Variants in PTPRR observed in about 807,000 individuals in gnomAD.
PTPRR encodes the protein receptor-type tyrosine-protein phosphatase R.
PTPRR carries 38 observed loss-of-function variants against 77.2 expected under a neutral mutation model. The ratio of observed to expected loss-of-function variants is 0.49; its 90% CI spans 0.38 to 0.65. PTPRR has a LOEUF of 0.65. PTPRR is among the 30% of genes least tolerant of loss of function. The pLI, the probability that PTPRR is intolerant of heterozygous loss-of-function variation, is 0.00. For synonymous variants in PTPRR, 299 were observed against 283.1 expected (o/e 1.06, Z -0.57); for missense variants, 744 against 799.2 (o/e 0.93, Z 0.83).
chr12:70,674,048 C>T (rs1018692615), intron 10 of PTPRR, among the ~76,000 whole-genome samples: 3 of 152,100 alleles, frequency 2.0e-5, no homozygotes, highest in Non-Finnish European at 4.4e-5. Context: ...ATCCTTTTGC[C>T]TCAGCCTTCT....
chr12:70,766,800 A>G (rs978719826), intron 2 of PTPRR, among the ~76,000 whole-genome samples: 3 of 152,214 alleles, frequency 2.0e-5, no homozygotes, highest in African/African-American at 7.2e-5. Context: ...AGCCCATCAG[A>G]CTAACAGCGG....
chr12:70,757,872 G>GA (rs1426346646), intron 4 of PTPRR, among the ~76,000 whole-genome samples: 1 of 152,108 alleles, frequency 6.6e-6, no homozygotes, highest in African/African-American at 2.4e-5. Context: ...ATTAACCACA[G>GA]AAAAAATGAA....
chr12:70,822,208 C>T (rs1592777146), intron 2 of PTPRR, among the ~76,000 whole-genome samples: 1 of 152,162 alleles, frequency 6.6e-6, no homozygotes, highest in Admixed American at 6.5e-5. Flanking sequence ...GAACAGAGAA[C>T]ACAGAAAGTG....
chr12:70,862,088 A>G (rs571067300), intron 2 of PTPRR, among the ~76,000 whole-genome samples: 9 of 152,250 alleles, frequency 5.9e-5, no homozygotes, highest in Admixed American at 1.3e-4. Flanking sequence ...TAGTAGAGAA[A>G]GTAAGGTAGT....
At chr12:70,895,028 G>A (rs868323994) in intron 1 of PTPRR, among the ~76,000 whole-genome samples, 26 of 151,648 alleles carry the variant, frequency 1.7e-4, no homozygotes, top group South Asian at 6.2e-4. Flanking sequence ...CTATTATATC[G>A]TGGAATAAAG....
At chr12:70,810,854 A>G (rs930291168) in intron 2 of PTPRR, among the ~76,000 whole-genome samples, 13 of 152,206 alleles carry the variant, frequency 8.5e-5, no homozygotes, top group Admixed American at 6.5e-4. Flanking sequence ...TTAAGACCTC[A>G]TATGTAAGAA....
chr12:70,819,784 T>A (rs570478938), intron 2 of PTPRR, among the ~76,000 whole-genome samples: 56 of 152,344 alleles, frequency 3.7e-4, no homozygotes, highest in South Asian at 1.2e-3. Flanking sequence ...TGCATTGCTT[T>A]TGGTCAAACT....
chr12:70,837,288 T>C (rs1025764364), intron 2 of PTPRR, among the ~76,000 whole-genome samples: 4 of 152,156 alleles, frequency 2.6e-5, no homozygotes, highest in Non-Finnish European at 4.4e-5. Flanking sequence ...TGCTGAGCTA[T>C]ATAATCTGTA....
chr12:70,784,685 A>G (rs1376407998), intron 2 of PTPRR, among the ~76,000 whole-genome samples: 1 of 152,264 alleles, frequency 6.6e-6, no homozygotes, highest in African/African-American at 2.4e-5. Flanking sequence ...GCAGATAAAA[A>G]GTAACAGTAA....
At chr12:70,759,703 A>AAC (rs1391093485) in intron 4 of PTPRR, among the ~76,000 whole-genome samples, 3 of 150,236 alleles carry the variant, frequency 2.0e-5, no homozygotes, top group Admixed American at 6.7e-5. Context: ...AAAAAAAAAA[A>AAC]AAACAAACGA....
At position 70,889,115 on chromosome 12, in the gene PTPRR, A is replaced by G. The variant is rs148635261; in HGVS notation, c.357+3564T>C. Among the ~76,000 whole-genome samples the G allele has an allele frequency of 2.8e-3, 432 of 152,318 alleles. 3 individuals are homozygous for G. Among genetic ancestry groups the G allele is most frequent in the Non-Finnish European group, 3.4e-3 (234 of 68,022 alleles). The stretch of plus-strand genomic sequence containing the variant: ...TGGGTTGGATTTGTCATCACTTACA[A>G]CAACATATTCCTCAACAATACATCT... On this transcript the variant is annotated intron_variant, in intron 2 of 13. Coordinates refer to ENST00000283228, the MANE Select transcript of PTPRR (RefSeq NM_002849.4).
intron 2 of PTPRR, among the ~76,000 whole-genome samples, chr12:70,841,439 A>G (rs1892395664): frequency 2.0e-5 from 3 of 151,758 alleles, no homozygotes; most frequent in African/African-American, 7.3e-5. Context: ...TGTTCTCTCA[A>G]CTCTGTTGAG....
chr12:70,707,702 G>T (rs1033280806), intron 6 of PTPRR, among the ~76,000 whole-genome samples: 1 of 151,998 alleles, frequency 6.6e-6, no homozygotes, highest in Admixed American at 6.6e-5. Flanking sequence ...GTGGGCACTC[G>T]CAGTGTGGAA....
rs563162513 is a variant in PTPRR, at chr12:70,648,741, A to C, written c.1880+7963T>G. The stretch of plus-strand genomic sequence containing the variant: ...TCTTTTGCTAGTCTTACCAGTGTTC[A>C]GTTGCAATTGCCATACCACCCACTT... On this transcript the variant is annotated intron_variant, in intron 13 of 13. Transcript: ENST00000283228. Among the ~76,000 whole-genome samples, 4 of 152,244 alleles carry C rather than the reference A, an allele frequency of 2.6e-5. No individual in the cohort carries two copies. The South Asian group carries it at 8.3e-4, about 32-fold the overall frequency.
At chr12:70,749,085 C>G (rs563448960) in intron 5 of PTPRR, among the ~76,000 whole-genome samples, 1 of 152,146 alleles carries the variant, frequency 6.6e-6, no homozygotes, top group Non-Finnish European at 1.5e-5. Flanking sequence ...TACAGCCATT[C>G]GCATCTGCTA....
chr12:70,840,204 T>G (rs751464494), intron 2 of PTPRR, among the ~76,000 whole-genome samples: 12 of 151,890 alleles, frequency 7.9e-5, no homozygotes, highest in Non-Finnish European at 1.5e-4. Context: ...GAATCTAGTG[T>G]TTTTTTTCCT....
intron 2 of PTPRR, among the ~76,000 whole-genome samples, chr12:70,815,361 A>G (rs1439176405): frequency 6.6e-6 from 1 of 152,168 alleles, no homozygotes; most frequent in East Asian, 1.9e-4. Flanking sequence ...GGCCTAATAA[A>G]TTGGTGGGGG....
chr12:70,647,153 C>T (rs748131176), intron 13 of PTPRR, among the ~76,000 whole-genome samples: 3 of 151,160 alleles, frequency 2.0e-5, no homozygotes, highest in Non-Finnish European at 2.9e-5. Context: ...AAGGATTTGA[C>T]AGATAATTTC....
At chr12:70,726,320 G>T (rs890738977) in intron 6 of PTPRR, among the ~76,000 whole-genome samples, 8 of 152,068 alleles carry the variant, frequency 5.3e-5, no homozygotes, top group Non-Finnish European at 8.8e-5. Flanking sequence ...TACAGTGGTT[G>T]ACAATTTGGG....
Sources: allele counts gnomAD v4.1 joint callset (sites outside exome capture counted in the v4.1 genomes callset), GRCh38; gene constraint gnomAD v4.1.1; transcripts MANE v1.5; gene names NCBI Gene and HGNC (gene_info 2026-07-23, HGNC 2026-07-21).